Variants in EXT1 observed in about 807,000 individuals in gnomAD.
EXT1 encodes exostosin-1.
Under a neutral mutation model 82.5 loss-of-function variants are expected in EXT1, and 20 were observed. That is an observed-to-expected ratio of 0.24 (90% confidence interval 0.17 to 0.35). The LOEUF (loss-of-function observed/expected upper bound fraction) is 0.35, where lower values mean the gene tolerates loss of function less well. Ranked by LOEUF, EXT1 falls within the 10% of genes least tolerant of loss-of-function variation. The probability of loss-of-function intolerance (pLI) is 1.00; values close to 1 mark genes in which losing one functional copy is unlikely to be tolerated. For synonymous variants in EXT1, 348 were observed against 350.8 expected (o/e 0.99, Z 0.09); for missense variants, 757 against 936.5 (o/e 0.81, Z 2.50).
chr8:117,869,704 A>G (rs1432476534), intron 1 of EXT1, among the ~76,000 whole-genome samples: 1 of 152,206 alleles, frequency 6.6e-6, no homozygotes, highest in Non-Finnish European at 1.5e-5. Context: ...TTTTAAAATA[A>G]TCCTATTTCA....
chr8:117,993,774 A>G (rs1815482177), intron 1 of EXT1, among the ~76,000 whole-genome samples: 1 of 152,328 alleles, frequency 6.6e-6, no homozygotes, highest in East Asian at 1.9e-4. Context: ...ACCTTTGATT[A>G]GGCTATGGAA....
At chr8:117,950,787 T>C (rs548217455) in intron 1 of EXT1, among the ~76,000 whole-genome samples, 4 of 152,332 alleles carry the variant, frequency 2.6e-5, no homozygotes, top group African/African-American at 9.6e-5. Flanking sequence ...CAAGTTCACC[T>C]TGATTGTTTT....
chr8:118,035,372 T>C (rs984629618), intron 1 of EXT1, among the ~76,000 whole-genome samples: 1 of 152,194 alleles, frequency 6.6e-6, no homozygotes, highest in Non-Finnish European at 1.5e-5. Flanking sequence ...CCTCTTGGAA[T>C]CTGCCACAAA....
At chr8:117,842,813 T>C (rs1308563711) in intron 1 of EXT1, among the ~76,000 whole-genome samples, 2 of 152,238 alleles carry the variant, frequency 1.3e-5, no homozygotes, top group East Asian at 3.9e-4. Flanking sequence ...ATGTTGCTGG[T>C]GCACTGTGCT....
intron 1 of EXT1, among the ~76,000 whole-genome samples, chr8:117,863,436 GTTGT>G (rs1417725303): frequency 1.1e-4 from 9 of 84,930 alleles, no homozygotes; most frequent in African/African-American, 3.4e-4. Flanking sequence ...TGGCATGTTT[GTTGT>G]TTGTTTGTTG....
intron 1 of EXT1, among the ~76,000 whole-genome samples, chr8:117,871,413 G>A (rs527781381): frequency 4.2e-4 from 64 of 152,316 alleles, no homozygotes; most frequent in Middle Eastern, 3.4e-3. Flanking sequence ...CCTCATCCCC[G>A]TGAGGGGCTT....
At chr8:117,933,441 TCA>T (rs1344917121) in intron 1 of EXT1, among the ~76,000 whole-genome samples, 1 of 152,114 alleles carries the variant, frequency 6.6e-6, no homozygotes, top group Non-Finnish European at 1.5e-5. Flanking sequence ...AAACGGGGTT[TCA>T]CCATGTTAGG....
intron 1 of EXT1, among the ~76,000 whole-genome samples, chr8:118,064,501 C>T (rs1048139373): frequency 6.6e-6 from 1 of 152,198 alleles, no homozygotes; most frequent in Non-Finnish European, 1.5e-5. Flanking sequence ...CTGCAAAGTA[C>T]ATGAACTCAC....
At chr8:118,037,723 T>C (rs1391415517) in intron 1 of EXT1, among the ~76,000 whole-genome samples, 3 of 152,228 alleles carry the variant, frequency 2.0e-5, no homozygotes, top group Non-Finnish European at 2.9e-5. Flanking sequence ...TCTATTATCT[T>C]ATTTATGATT....
chr8:117,900,355 A>G (rs1365788301), intron 1 of EXT1, among the ~76,000 whole-genome samples: 2 of 152,248 alleles, frequency 1.3e-5, no homozygotes, highest in Non-Finnish European at 2.9e-5. Context: ...AGCTCCTCAC[A>G]TTGTTTTTAA....
chr8:117,826,130 T>C (rs1437494008), intron 4 of EXT1, among the ~76,000 whole-genome samples: 1 of 152,232 alleles, frequency 6.6e-6, no homozygotes, highest in African/African-American at 2.4e-5. Context: ...AAATAGCTCC[T>C]TATTACCAAG....
rs58862041 is a variant in EXT1 at position 118,037,836 on chromosome 8, G to GTT, written c.962+72247_962+72248dup. ...CTTTGTATCAACAAGAGTGTTTTTT[G>GTT]TTTTTTTTTTTTTTTTTTTTTGAGA... On this transcript the variant is annotated intron_variant, in intron 1 of 10. Coordinates refer to ENST00000378204, the MANE Select transcript of EXT1 (RefSeq NM_000127.3). 4.8e-3 allele frequency among the ~76,000 whole-genome samples: 514 copies of GTT among 107,312 alleles called. 14 individuals carry two copies. Among genetic ancestry groups the GTT allele is most frequent in the South Asian group, 0.019 (60 of 3,150 alleles). The allele number at this position is 107,312 out of a possible 152,430, so 70.4% of individuals were successfully genotyped here.
chr8:117,910,057 C>T (rs1813617240), intron 1 of EXT1, among the ~76,000 whole-genome samples: 1 of 152,182 alleles, frequency 6.6e-6, no homozygotes, highest in Non-Finnish European at 1.5e-5. Context: ...CATAAGCCAC[C>T]GCACCAGCAT....
intron 1 of EXT1, among the ~76,000 whole-genome samples, chr8:118,014,884 T>C (rs546684303): frequency 3.7e-4 from 56 of 152,258 alleles, no homozygotes; most frequent in African/African-American, 1.3e-3. Context: ...CTGCAAGGGA[T>C]GGGAACGGTG....
chr8:118,003,653 G>T (rs1171231842), intron 1 of EXT1, among the ~76,000 whole-genome samples: 1 of 151,838 alleles, frequency 6.6e-6, no homozygotes, highest in East Asian at 1.9e-4. Context: ...AATTTTACTT[G>T]CCCCATAACT....
chr8:118,008,337 G>A (rs1815823363), intron 1 of EXT1, among the ~76,000 whole-genome samples: 1 of 151,996 alleles, frequency 6.6e-6, no homozygotes, highest in Admixed American at 6.6e-5. Context: ...TTAGCTCCCT[G>A]CAACCTCCAC....
At position 117,969,395 on chromosome 8, in the gene EXT1, C is replaced by T. The variant is rs145708436; in HGVS notation, c.963-132194G>A. 5.3e-3 allele frequency among the ~76,000 whole-genome samples: 814 copies of T among 152,228 alleles called. 7 individuals carry two copies. Among genetic ancestry groups the T allele is most frequent in the African/African-American group, 0.019 (792 of 41,548 alleles). On this transcript the variant is annotated intron_variant, in intron 1 of 10. Transcript: ENST00000378204. ...ATTGTATAGCAAATGGTTGTTTAGC[C>T]CAACAAACTAAAAATGTCAACCACA... is the stretch of plus-strand genomic sequence containing the variant.
intron 1 of EXT1, among the ~76,000 whole-genome samples, chr8:118,047,596 C>T (rs1282631221): frequency 2.0e-5 from 3 of 152,182 alleles, no homozygotes; most frequent in Admixed American, 2.0e-4. Context: ...CCCATCCATA[C>T]ATCTCACTCA....
chr8:117,900,945 TTCC>T (rs1813436068), intron 1 of EXT1, among the ~76,000 whole-genome samples: 2 of 152,370 alleles, frequency 1.3e-5, no homozygotes, highest in East Asian at 3.9e-4. Flanking sequence ...CATTCTCCAA[TTCC>T]TACCAAGGCA....
Sources: allele counts gnomAD v4.1 joint callset (sites outside exome capture counted in the v4.1 genomes callset), GRCh38; gene constraint gnomAD v4.1.1; transcripts MANE v1.5; gene names NCBI Gene and HGNC (gene_info 2026-07-23, HGNC 2026-07-21).